MEGF6: variants seen among roughly 807,000 people sequenced by gnomAD.
MEGF6 encodes multiple EGF like domains 6.
MEGF6 carries 184 observed loss-of-function variants against 207.1 expected under a neutral mutation model. The ratio of observed to expected loss-of-function variants is 0.89; its 90% CI spans 0.79 to 1.00. MEGF6 has a LOEUF of 1.00. Among genes scored for constraint, MEGF6 ranks in the 50% least tolerant of loss-of-function variants. MEGF6 has a pLI of 0.00. For missense variants in MEGF6, 2,282 were observed against 2,202.9 expected (o/e 1.04, Z -0.72); for synonymous variants, 1,038 against 910.0 (o/e 1.14, Z -2.53).
At chr1:3,536,992 T>C (rs1642352745) in intron 4 of MEGF6, among the ~76,000 whole-genome samples, 1 of 152,374 alleles carries the variant, frequency 6.6e-6, no homozygotes, top group Admixed American at 6.5e-5. Flanking sequence ...CACGTGCCTC[T>C]ACCTCCCTGA....
At chr1:3,511,345 C>T (rs72853525) in intron 9 of MEGF6, among the ~76,000 whole-genome samples, 8,629 of 152,226 alleles carry the variant, frequency 0.057, 261 homozygotes, top group East Asian at 0.11. Context: ...CCTGGCGGGC[C>T]GATGTGGGCA....
At chr1:3,585,566 TGA>T (rs1643881614) in intron 3 of MEGF6, among the ~76,000 whole-genome samples, 2 of 128,098 alleles carry the variant, frequency 1.6e-5, no homozygotes, top group Admixed American at 1.6e-4. Flanking sequence ...TGGGTGTGAA[TGA>T]GGACACATGT....
intron 4 of MEGF6, 59 bp downstream of exon 4, chr1:3,579,766 G>T (rs977283767): frequency 1.6e-6 from 2 of 1,271,292 alleles, no homozygotes; most frequent in Non-Finnish European, 2.1e-6. Context: ...ACACATCCTC[G>T]CCCCTTGCCC....
At chr1:3,616,391 G>A (rs764635931), upstream of MEGF6, among the ~76,000 whole-genome samples, 8 of 152,202 alleles carry the variant, frequency 5.3e-5, no homozygotes, top group Non-Finnish European at 1.0e-4. Flanking sequence ...GCCCGCAGCA[G>A]TCCTCACGTC....
chr1:3,541,684 TG>T (rs1188571057), intron 4 of MEGF6, among the ~76,000 whole-genome samples: 1 of 150,912 alleles, frequency 6.6e-6, no homozygotes, highest in Non-Finnish European at 1.5e-5. Context: ...TTCCTCTCCC[TG>T]GGGACAGTGG....
chr1:3,511,473 T>A, intron 9 of MEGF6, 77 bp downstream of exon 9: 2 of 1,502,386 alleles, frequency 1.3e-6, no homozygotes. Context: ...AGTCATGGCA[T>A]GGAACTGATC....
chr1:3,530,871 AG>A (rs1642132564), intron 4 of MEGF6, among the ~76,000 whole-genome samples: 1 of 152,198 alleles, frequency 6.6e-6, no homozygotes, highest in South Asian at 2.1e-4. Context: ...CTCTGCCGAC[AG>A]CCCTGAGAGG....
chr1:3,589,289 T>C (rs1011824439), intron 3 of MEGF6, among the ~76,000 whole-genome samples: 6 of 152,124 alleles, frequency 3.9e-5, no homozygotes, highest in African/African-American at 1.2e-4. Flanking sequence ...TCCAGAACTG[T>C]GAGAGAGTAA....
At chr1:3,601,987 C>T (rs746333909) in intron 2 of MEGF6, among the ~76,000 whole-genome samples, 2 of 152,244 alleles carry the variant, frequency 1.3e-5, no homozygotes, top group Non-Finnish European at 2.9e-5. Context: ...ACCCGCTTTG[C>T]GGCAGGGCTG....
intron 7 of MEGF6, 28 bp downstream of exon 7, chr1:3,514,521 CG>C: frequency 6.4e-7 from 1 of 1,569,344 alleles, no homozygotes; most frequent in Non-Finnish European, 8.6e-7. Context: ...TGACCCTGGG[CG>C]GGGCGGAGCA....
chr1:3,513,323 T>G (rs1641419985), intron 7 of MEGF6, among the ~76,000 whole-genome samples: 2 of 152,060 alleles, frequency 1.3e-5, no homozygotes, highest in Admixed American at 6.6e-5. Flanking sequence ...GTGATTCTCC[T>G]GCCTCAGCCT....
intron 4 of MEGF6, among the ~76,000 whole-genome samples, chr1:3,566,384 C>T (rs369934616): frequency 6.0e-4 from 91 of 152,344 alleles, no homozygotes; most frequent in African/African-American, 2.2e-3. Context: ...CTGGCATCTG[C>T]CTCCCTGAAC....
At chr1:3,587,876 C>CCAGGAGGGGA (rs1557799069) in intron 3 of MEGF6, among the ~76,000 whole-genome samples, 10 of 5,340 alleles carry the variant, frequency 1.9e-3, no homozygotes, top group Non-Finnish European at 1.8e-3. Flanking sequence ...ACAGGAGTGG[C>CCAGGAGGGGA]CAGGAGTGGC....
chr1:3,512,701 C>T (rs1298522146), intron 7 of MEGF6, among the ~76,000 whole-genome samples: 4 of 152,230 alleles, frequency 2.6e-5, no homozygotes, highest in Non-Finnish European at 4.4e-5. Context: ...CCTGGCCTCC[C>T]GCCATGATTG....
rs1206837876 is a variant in MEGF6 at position 3,496,027 on chromosome 1, G to A, written c.3743-9C>T. 5.3e-6 allele frequency: 8 copies of A among 1,509,728 alleles called. No individual in the cohort carries two copies. Among genetic ancestry groups the A allele is most frequent in the Non-Finnish European group, 7.1e-6 (8 of 1,134,392 alleles). The allele number at this position is 1,509,728 out of a possible 1,614,324, so 93.5% of individuals were successfully genotyped here. ...GCGGCCCTGCGGACAGGCTGCCGGGGAGGAAGTGGTGATCGTGGCTGGCTT... is the reference window on the plus strand; with the variant it reads ...GCGGCCCTGCGGACAGGCTGCCGGGAAGGAAGTGGTGATCGTGGCTGGCTT... On this transcript the variant is annotated splice_polypyrimidine_tract_variant and intron_variant, in intron 29 of 36. Transcript: ENST00000356575.
intron 2 of MEGF6, among the ~76,000 whole-genome samples, chr1:3,600,260 G>A (rs1412503651): frequency 6.6e-6 from 1 of 152,214 alleles, no homozygotes; most frequent in Non-Finnish European, 1.5e-5. Flanking sequence ...CACATACCCA[G>A]GTATCTGCTG....
chr1:3,553,912 G>A (rs1286288726), intron 4 of MEGF6, among the ~76,000 whole-genome samples: 1 of 152,204 alleles, frequency 6.6e-6, no homozygotes, highest in Non-Finnish European at 1.5e-5. Context: ...AGAAAGTGCC[G>A]ACGTGGGTGG....
Position 3,497,343 on chromosome 1 carries a change from A to G in MEGF6, c.3371T>C (p.Phe1124Ser). 6.5e-7 allele frequency: 1 copy of G among 1,549,704 alleles called. No homozygotes were observed. Among genetic ancestry groups the G allele is most frequent in the Non-Finnish European group, 8.7e-7 (1 of 1,153,394 alleles). Residue 1124 changes from phenylalanine to serine, a missense_variant, in exon 27 of 37, where the codon TTT (phenylalanine) becomes TCT (serine). Coordinates refer to ENST00000356575, the MANE Select transcript of MEGF6 (RefSeq NM_001409.4). Reference sequence around the variant, plus strand: ...GCAGCGCTGGGCACAGGCCTCTCCAAACCAGCCCCGCAGGCAGGCTGCAGA... The same window carrying G: ...GCAGCGCTGGGCACAGGCCTCTCCAGACCAGCCCCGCAGGCAGGCTGCAGA... ...KCQSPCLRGWFGEACAQRCSC... is the reference protein window; with the variant it reads ...KCQSPCLRGWSGEACAQRCSC...
At chr1:3,561,018 G>C (rs1643183955) in intron 4 of MEGF6, among the ~76,000 whole-genome samples, 2 of 152,308 alleles carry the variant, frequency 1.3e-5, no homozygotes, top group East Asian at 3.9e-4. Flanking sequence ...GAGTCTCTGG[G>C]TCACATGAAG....
Sources: allele counts gnomAD v4.1 joint callset (sites outside exome capture counted in the v4.1 genomes callset), GRCh38; gene constraint gnomAD v4.1.1; transcripts MANE v1.5; gene names NCBI Gene and HGNC (gene_info 2026-07-23, HGNC 2026-07-21).